SLC24A3: variants seen among roughly 807,000 people sequenced by gnomAD.
SLC24A3 encodes the protein sodium/potassium/calcium exchanger 3.
A neutral mutation model predicts 75.8 loss-of-function variants in SLC24A3; 28 were observed. That is an observed-to-expected ratio of 0.37 (90% CI 0.27 to 0.51). The LOEUF (loss-of-function observed/expected upper bound fraction) is 0.51. Among genes scored for constraint, SLC24A3 ranks in the 20% least tolerant of loss-of-function variants. The pLI is 0.94. For synonymous variants in SLC24A3, 372 were observed against 334.1 expected, an observed-to-expected ratio of 1.11 and a Z score of -1.24; for missense variants, 663 against 847.8, an observed-to-expected ratio of 0.78 and a Z score of 2.71.
At chr20:19,573,443 C>A (rs1239287517) in intron 3 of SLC24A3, among the ~76,000 whole-genome samples, 1 of 152,254 alleles carries the variant, frequency 6.6e-6, no homozygotes, top group African/African-American at 2.4e-5. Flanking sequence ...CTTCTCCTTG[C>A]ACTACCTCTA....
At chr20:19,435,007 C>T (rs12625222) in intron 2 of SLC24A3, among the ~76,000 whole-genome samples, 11 of 152,282 alleles carry the variant, frequency 7.2e-5, no homozygotes, top group East Asian at 1.9e-4. Context: ...TAGTCTTCCC[C>T]GTAGCTTGAG....
At chr20:19,337,973 A>G (rs935525483) in intron 2 of SLC24A3, among the ~76,000 whole-genome samples, 3 of 152,166 alleles carry the variant, frequency 2.0e-5, no homozygotes, top group Non-Finnish European at 4.4e-5. Flanking sequence ...ATATCAAGTC[A>G]CAAAGATGGC....
At chr20:19,388,976 C>T (rs760774013) in intron 2 of SLC24A3, among the ~76,000 whole-genome samples, 5 of 151,928 alleles carry the variant, frequency 3.3e-5, no homozygotes, top group African/African-American at 9.7e-5. Context: ...TGTAGTGATG[C>T]GCTTTGATTC....
intron 1 of SLC24A3, among the ~76,000 whole-genome samples, chr20:19,273,416 C>A (rs558689754): frequency 2.0e-5 from 3 of 152,288 alleles, no homozygotes; most frequent in African/African-American, 7.2e-5. Context: ...CTGGCTTAGC[C>A]ACCCCTCTCC....
chr20:19,332,617 G>A (rs1473532556), intron 2 of SLC24A3, among the ~76,000 whole-genome samples: 1 of 152,060 alleles, frequency 6.6e-6, no homozygotes, highest in Non-Finnish European at 1.5e-5. Flanking sequence ...CTTGAGCACT[G>A]GGGAAGAATA....
chr20:19,417,493 G>A (rs187947320), intron 2 of SLC24A3, among the ~76,000 whole-genome samples: 55 of 152,304 alleles, frequency 3.6e-4, no homozygotes, highest in Non-Finnish European at 5.9e-5. Context: ...GAGACAGTGG[G>A]ATCCCTGCTT....
chr20:19,683,661 G>A (rs1318000397), intron 10 of SLC24A3, among the ~76,000 whole-genome samples: 2 of 152,188 alleles, frequency 1.3e-5, no homozygotes, highest in African/African-American at 4.8e-5. Context: ...CATTTGAAGG[G>A]CATATAGGGT....
chr20:19,400,131 T>C (rs1986524999), intron 2 of SLC24A3, among the ~76,000 whole-genome samples: 1 of 152,230 alleles, frequency 6.6e-6, no homozygotes. Flanking sequence ...TTTGATTGAT[T>C]GATTTATCTC....
rs6045934 is a variant in SLC24A3, at chr20:19,253,350, G to A, written c.143-27609G>A. 5.8e-3 allele frequency among the ~76,000 whole-genome samples: 880 copies of A among 152,326 alleles called. 5 individuals are homozygous for A. The highest frequency in any genetic ancestry group is 0.02 in the African/African-American group (815 of 41,566). On this transcript the variant is annotated intron_variant, in intron 1 of 16. Coordinates refer to ENST00000328041, the MANE Select transcript of SLC24A3 (RefSeq NM_020689.4). Reference sequence around the variant, plus strand: ...GCATGAAATTGTTTTAGACTCTGGGGTCTGATGAAGGTGTGCGCAGCACAG... The same window carrying A: ...GCATGAAATTGTTTTAGACTCTGGGATCTGATGAAGGTGTGCGCAGCACAG...
intron 3 of SLC24A3, among the ~76,000 whole-genome samples, chr20:19,534,581 GTTCGTATTTTTAGTA>G (rs1447190419): frequency 1.3e-5 from 2 of 151,988 alleles, no homozygotes; most frequent in African/African-American, 4.8e-5. Flanking sequence ...TGGCTAATTT[GTTCGTATTTTTAGTA>G]GAGACAAGGT....
chr20:19,536,778 G>A (rs1243628985), intron 3 of SLC24A3, among the ~76,000 whole-genome samples: 1 of 152,178 alleles, frequency 6.6e-6, no homozygotes, highest in Non-Finnish European at 1.5e-5. Context: ...AATGGGGAAA[G>A]GATTCCCTAT....
intron 2 of SLC24A3, among the ~76,000 whole-genome samples, chr20:19,302,771 C>T (rs1304495664): frequency 3.9e-5 from 6 of 152,196 alleles, no homozygotes; most frequent in Admixed American, 3.9e-4. Context: ...TGTGTATACT[C>T]TACTTCATTT....
At chr20:19,335,040 T>C (rs963784964) in intron 2 of SLC24A3, among the ~76,000 whole-genome samples, 3 of 152,336 alleles carry the variant, frequency 2.0e-5, no homozygotes, top group East Asian at 1.9e-4. Flanking sequence ...ATATTCTCCC[T>C]CTGCACTGTG....
intron 2 of SLC24A3, among the ~76,000 whole-genome samples, chr20:19,392,925 G>A (rs113856700): frequency 0.014 from 2,108 of 152,174 alleles, 49 homozygotes; most frequent in African/African-American, 0.048. Flanking sequence ...CAGTCAAAAG[G>A]GGAAAGATCC....
At chr20:19,550,649 G>T (rs2030677733) in intron 3 of SLC24A3, among the ~76,000 whole-genome samples, 1 of 152,174 alleles carries the variant, frequency 6.6e-6, no homozygotes, top group Non-Finnish European at 1.5e-5. Context: ...TTTCGGCCAA[G>T]ATATTTTCCT....
At chr20:19,513,637 T>C (rs2029924142) in intron 2 of SLC24A3, among the ~76,000 whole-genome samples, 1 of 151,994 alleles carries the variant, frequency 6.6e-6, no homozygotes, top group African/African-American at 2.4e-5. Context: ...ATAATCATGA[T>C]GTTCCTGTCT....
At chr20:19,291,079 C>T (rs558706329) in intron 2 of SLC24A3, among the ~76,000 whole-genome samples, 1 of 152,304 alleles carries the variant, frequency 6.6e-6, no homozygotes, top group African/African-American at 2.4e-5. Flanking sequence ...TCCTCAGTTG[C>T]CTCAGCACTT....
chr20:19,357,776 C>T (rs1043314164), intron 2 of SLC24A3, among the ~76,000 whole-genome samples: 5 of 152,242 alleles, frequency 3.3e-5, no homozygotes, highest in African/African-American at 1.2e-4. Flanking sequence ...TGAGAGACCC[C>T]AGCTGGGAAG....
At chr20:19,692,397 TG>T (rs2032754677) in intron 12 of SLC24A3, among the ~76,000 whole-genome samples, 1 of 152,176 alleles carries the variant, frequency 6.6e-6, no homozygotes, top group African/African-American at 2.4e-5. Flanking sequence ...CACCGCCATA[TG>T]GATAACAAAT....
Sources: gnomAD v4.1 joint callset for allele counts (sites outside exome capture counted in the v4.1 genomes callset) on GRCh38, gnomAD v4.1.1 for gene constraint, MANE v1.5 for transcripts, NCBI Gene and HGNC (gene_info 2026-07-23, HGNC 2026-07-21) for gene names.